CLEC17A: variants seen among roughly 807,000 people sequenced by gnomAD.
CLEC17A encodes the protein C-type lectin domain family 17, member A.
CLEC17A carries 37 observed loss-of-function variants against 61.3 expected under a neutral mutation model. The ratio of observed to expected loss-of-function variants is 0.60; its 90% confidence interval spans 0.46 to 0.79. CLEC17A has a LOEUF of 0.79. Ranked by LOEUF, CLEC17A falls within the 30% of genes least tolerant of loss-of-function variation. The pLI, the probability that CLEC17A is intolerant of heterozygous loss-of-function variation, is 0.00. For missense variants in CLEC17A, 418 were observed against 464.7 expected, an observed-to-expected ratio of 0.90 and a Z score of 0.92; for synonymous variants, 168 against 164.9, an observed-to-expected ratio of 1.02 and a Z score of -0.14.
At chr19:14,592,105 C>T (rs1481835937) in intron 3 of CLEC17A, among the ~76,000 whole-genome samples, 176 bp from the exon 4 acceptor site, 2 of 152,196 alleles carry the variant, frequency 1.3e-5, no homozygotes, top group Non-Finnish European at 2.9e-5. Context: ...TGTATACTAT[C>T]GCTGGGTGTC....
At chr19:14,606,924 C>A (rs1314694566) in intron 12 of CLEC17A, 69 bp from the exon 13 acceptor site, 2 of 729,476 alleles carry the variant, frequency 2.7e-6, no homozygotes, top group South Asian at 6.2e-5. Context: ...TAGGACAGGG[C>A]ACAGGGCAGG....
At chr19:14,609,571 C>T (rs1014498468) in intron 13 of CLEC17A, among the ~76,000 whole-genome samples, 3 of 152,102 alleles carry the variant, frequency 2.0e-5, no homozygotes, top group African/African-American at 4.8e-5. Context: ...GGCACGGTGG[C>T]TCGTGCCTGT....
intron 6 of CLEC17A, 38 bp downstream of exon 6, chr19:14,594,720 C>G: frequency 6.2e-7 from 1 of 1,614,006 alleles, no homozygotes; most frequent in Non-Finnish European, 8.5e-7. Flanking sequence ...GCTCACCTGG[C>G]TGAAGCCCTT....
At chr19:14,592,030 T>G (rs1307305463) in intron 3 of CLEC17A, among the ~76,000 whole-genome samples, 1 of 151,854 alleles carries the variant, frequency 6.6e-6, no homozygotes, top group African/African-American at 2.4e-5. Flanking sequence ...GACATCTGAG[T>G]AGGAGGGACA....
intron 10 of CLEC17A, among the ~76,000 whole-genome samples, chr19:14,597,618 A>G (rs753334166): frequency 1.3e-5 from 2 of 152,110 alleles, no homozygotes; most frequent in Non-Finnish European, 2.9e-5. Context: ...TGTGCTTGTC[A>G]TCCCAACTAC....
At position 14,583,210 on chromosome 19, in the gene CLEC17A, C is replaced by A; in HGVS notation, c.43+7C>A. The A allele has an allele frequency of 1.2e-6, 2 of 1,613,904 alleles. No homozygotes were observed. The highest frequency in any genetic ancestry group is 1.7e-6 in the Non-Finnish European group (2 of 1,179,882). On this transcript the variant is annotated splice_region_variant and intron_variant, in intron 1 of 13. Coordinates refer to ENST00000417570, the MANE Select transcript of CLEC17A (RefSeq NM_001204118.2). ...GGGTACCCGGACCCACCAGGTAAGG[C>A]CCCGGCCAGGCTGGGGCTGGGGCCT...
intron 12 of CLEC17A, among the ~76,000 whole-genome samples, chr19:14,603,632 G>A (rs1191268159): frequency 6.7e-6 from 1 of 149,532 alleles, no homozygotes; most frequent in Non-Finnish European, 1.5e-5. Context: ...GCTAAGTTTT[G>A]TATTTTTTTT....
chr19:14,605,252 C>T (rs750041065), intron 12 of CLEC17A, among the ~76,000 whole-genome samples: 10 of 152,100 alleles, frequency 6.6e-5, no homozygotes, highest in African/African-American at 1.2e-4. Context: ...CATGACACCA[C>T]GCCTGGCTAA....
At chr19:14,591,809 C>T (rs536965888) in intron 3 of CLEC17A, among the ~76,000 whole-genome samples, 1 of 152,112 alleles carries the variant, frequency 6.6e-6, no homozygotes, top group East Asian at 1.9e-4. Flanking sequence ...CTGCCAGCCT[C>T]AGCCTCCCAA....
intron 2 of CLEC17A, chr19:14,583,977 T>C: frequency 6.4e-6 from 1 of 156,870 alleles, no homozygotes; most frequent in Non-Finnish European, 1.4e-5. Flanking sequence ...GCGTCTGTAG[T>C]CTTGATACTT....
chr19:14,609,757 G>GAAA (rs2075000313), intron 13 of CLEC17A, among the ~76,000 whole-genome samples: 1 of 152,016 alleles, frequency 6.6e-6, no homozygotes, highest in Non-Finnish European at 1.5e-5. Context: ...AGAATTGCTT[G>GAAA]AACCCAGGAG....
chr19:14,583,018 G>A, upstream of CLEC17A: 1 of 771,438 alleles, frequency 1.3e-6, no homozygotes, highest in Non-Finnish European at 2.2e-6. Flanking sequence ...AGGTCTGAGG[G>A]CTTCCTGTCA....
intron 11 of CLEC17A, 47 bp downstream of exon 11, chr19:14,599,859 G>C (rs1307775750): frequency 6.5e-7 from 1 of 1,550,066 alleles, no homozygotes; most frequent in Non-Finnish European, 8.8e-7. Flanking sequence ...GCATGGCAGA[G>C]CTGGCACATT....
intron 2 of CLEC17A, chr19:14,584,068 C>CA (rs112884228): frequency 0.69 from 80,419 of 117,240 alleles, 25,714 homozygotes; most frequent in Non-Finnish European, 0.75. Flanking sequence ...CTATCTCTGC[C>CA]AAAAAAAAAA....
intron 3 of CLEC17A, among the ~76,000 whole-genome samples, chr19:14,589,632 C>A (rs2074366787): frequency 9.6e-6 from 1 of 104,152 alleles, no homozygotes; most frequent in Non-Finnish European, 1.8e-5. Flanking sequence ...ATATATGACT[C>A]ATATGACTCT....
intron 4 of CLEC17A, among the ~76,000 whole-genome samples, chr19:14,593,472 C>T (rs1019949652): frequency 1.3e-5 from 2 of 151,938 alleles, no homozygotes; most frequent in African/African-American, 2.4e-5. Context: ...ACAGTGAAAC[C>T]CCCAGCTATA....
At chr19:14,599,078 G>GTTT (rs2074632965) in intron 10 of CLEC17A, among the ~76,000 whole-genome samples, 2 of 73,570 alleles carry the variant, frequency 2.7e-5, no homozygotes, top group African/African-American at 5.7e-5. Flanking sequence ...CTGTATCTTT[G>GTTT]CTTTTTTTTT....
intron 7 of CLEC17A, 147 bp downstream of exon 7, chr19:14,594,947 C>G: frequency 1.2e-6 from 1 of 804,298 alleles, no homozygotes; most frequent in Admixed American, 2.2e-5. Context: ...TACTGGCTCA[C>G]TGCAACCTCT....
rs191835194 is a variant in CLEC17A at position 14,602,129 on chromosome 19, G to C, written c.894+1947G>C. 8.1e-4 allele frequency among the ~76,000 whole-genome samples: 123 copies of C among 151,888 alleles called. 3 individuals carry two copies. The East Asian group carries it at 0.021, about 26-fold the overall frequency. The stretch of plus-strand genomic sequence containing the variant: ...TTTACTTTTGTAGAGACAGGGTCTT[G>C]CTATGTTGCCTAGGCTCTATGTTTT... On this transcript the variant is annotated intron_variant, in intron 12 of 13. Transcript: ENST00000417570.
Sources: gnomAD v4.1 joint callset for allele counts (sites outside exome capture counted in the v4.1 genomes callset) on GRCh38, gnomAD v4.1.1 for gene constraint, MANE v1.5 for transcripts, NCBI Gene and HGNC (gene_info 2026-07-23, HGNC 2026-07-21) for gene names.